GUCA1C: variants seen among roughly 807,000 people sequenced by gnomAD.
The protein encoded by GUCA1C is guanylyl cyclase-activating protein 3.
A neutral mutation model predicts 16.2 loss-of-function variants in GUCA1C; 15 were observed. The ratio of observed to expected loss-of-function variants is 0.93; its 90% CI spans 0.62 to 1.43. GUCA1C has a LOEUF of 1.43. Among genes scored for constraint, GUCA1C ranks in the 40% most tolerant of loss-of-function variants. The probability of loss-of-function intolerance (pLI) is 0.00; values close to 1 mark genes in which losing one functional copy is unlikely to be tolerated. For synonymous variants in GUCA1C, 78 were observed against 85.4 expected (o/e 0.91, Z 0.48); for missense variants, 275 against 244.8 (o/e 1.12, Z -0.82).
intron 1 of GUCA1C, among the ~76,000 whole-genome samples, chr3:108,939,323 G>GTTTTTTTTTTTTTTTT (rs1491279760): frequency 2.4e-4 from 8 of 33,212 alleles, no homozygotes; most frequent in Non-Finnish European, 4.8e-4. Flanking sequence ...TTGCTTCAAG[G>GTTTTTTTTTTTTTTTT]CTTTTTTTTT....
chr3:108,930,129 C>A (rs1946653621), intron 1 of GUCA1C, among the ~76,000 whole-genome samples: 1 of 152,182 alleles, frequency 6.6e-6, no homozygotes, highest in Non-Finnish European at 1.5e-5. Context: ...TCTAGGGAGG[C>A]ATGTGACTCA....
intron 1 of GUCA1C, among the ~76,000 whole-genome samples, chr3:108,935,945 G>GT (rs1239594947): frequency 6.6e-6 from 1 of 152,124 alleles, no homozygotes; most frequent in African/African-American, 2.4e-5. Context: ...TGATCAATTT[G>GT]TAGGCAGGTA....
At chr3:108,942,064 A>C (rs9868918) in intron 1 of GUCA1C, among the ~76,000 whole-genome samples, 4,634 of 152,270 alleles carry the variant, frequency 0.03, 103 homozygotes, top group Non-Finnish European at 0.045. Flanking sequence ...ACACCAATTC[A>C]AGGGTGCAGT....
chr3:108,934,204 C>A (rs1946698258), intron 1 of GUCA1C, among the ~76,000 whole-genome samples: 4 of 152,074 alleles, frequency 2.6e-5, no homozygotes, highest in African/African-American at 9.7e-5. Flanking sequence ...GGAGGGAAAG[C>A]ATTAGGACAA....
intron 1 of GUCA1C, among the ~76,000 whole-genome samples, chr3:108,945,010 T>A (rs1946829866): frequency 6.6e-6 from 1 of 152,178 alleles, no homozygotes; most frequent in Admixed American, 6.5e-5. Flanking sequence ...AGGTGCTCCT[T>A]CATCCTCAGC....
chr3:108,929,417 C>T (rs1946647979), intron 1 of GUCA1C, among the ~76,000 whole-genome samples: 2 of 152,034 alleles, frequency 1.3e-5, no homozygotes, highest in South Asian at 4.1e-4. Context: ...TTTATTTTCT[C>T]CTTCCCAAAC....
At chr3:108,940,578 G>A (rs2107310140) in intron 1 of GUCA1C, among the ~76,000 whole-genome samples, 1 of 152,274 alleles carries the variant, frequency 6.6e-6, no homozygotes, top group East Asian at 1.9e-4. Flanking sequence ...GGCAAATGTT[G>A]CCCAAAACAG....
intron 1 of GUCA1C, among the ~76,000 whole-genome samples, chr3:108,948,419 C>G (rs1460777868): frequency 6.6e-6 from 1 of 152,168 alleles, no homozygotes. Context: ...GCCTGCAGAA[C>G]TGTAAGCCAA....
At chr3:108,951,866 T>C (rs1288253253) in intron 1 of GUCA1C, among the ~76,000 whole-genome samples, 1 of 152,210 alleles carries the variant, frequency 6.6e-6, no homozygotes, top group Non-Finnish European at 1.5e-5. Flanking sequence ...TTGGACATTG[T>C]CCCTGCTTCC....
At chr3:108,934,233 G>T (rs1052043339) in intron 1 of GUCA1C, among the ~76,000 whole-genome samples, 3 of 152,126 alleles carry the variant, frequency 2.0e-5, no homozygotes, top group Non-Finnish European at 4.4e-5. Flanking sequence ...TGCATTCAGG[G>T]CTGAAAACCT....
At chr3:108,928,336 T>C (rs1038587323) in intron 1 of GUCA1C, among the ~76,000 whole-genome samples, 8 of 152,224 alleles carry the variant, frequency 5.3e-5, no homozygotes, top group Non-Finnish European at 5.9e-5. Context: ...TTTTGTATTC[T>C]GGATAACAGC....
intron 1 of GUCA1C, among the ~76,000 whole-genome samples, chr3:108,939,281 G>C (rs542270958): frequency 7.0e-6 from 1 of 142,656 alleles, no homozygotes; most frequent in Non-Finnish European, 1.5e-5. Flanking sequence ...TTGATGGTGG[G>C]ATGGATGGTT....
intron 1 of GUCA1C, among the ~76,000 whole-genome samples, chr3:108,943,962 T>C (rs12107650): frequency 0.15 from 23,278 of 151,842 alleles, 1,954 homozygotes; most frequent in Middle Eastern, 0.26. Context: ...CAATAACTTA[T>C]AGAAAAAATT....
chr3:108,917,033 A>C lies in GUCA1C; in HGVS notation c.355-819T>G, dbSNP rs551134504. Among the ~76,000 whole-genome samples the C allele has an allele frequency of 2.0e-5, 3 of 152,342 alleles. No individual in the cohort carries two copies. In the East Asian group the frequency reaches 5.8e-4, roughly 29 times the overall value. ...TCAAGCATTACCAAACTTGAGTTCCAGGAGTAATCATAATAAATGATGGTA... is the reference window on the plus strand; with the variant it reads ...TCAAGCATTACCAAACTTGAGTTCCCGGAGTAATCATAATAAATGATGGTA... On this transcript the variant is annotated intron_variant, in intron 2 of 3. Transcript: ENST00000261047.
At chr3:108,932,776 C>T (rs1946682352) in intron 1 of GUCA1C, among the ~76,000 whole-genome samples, 1 of 151,960 alleles carries the variant, frequency 6.6e-6, no homozygotes, top group Non-Finnish European at 1.5e-5. Context: ...ACAGAATTAG[C>T]CGGGCGTGGC....
At chr3:108,939,323 G>GTTTTTTTTTTTTTTTTTT (rs1491279760) in intron 1 of GUCA1C, among the ~76,000 whole-genome samples, 7 of 33,224 alleles carry the variant, frequency 2.1e-4, no homozygotes, top group Admixed American at 5.4e-4. Flanking sequence ...TTGCTTCAAG[G>GTTTTTTTTTTTTTTTTTT]CTTTTTTTTT....
At chr3:108,950,727 G>A (rs1306453633) in intron 1 of GUCA1C, among the ~76,000 whole-genome samples, 1 of 152,042 alleles carries the variant, frequency 6.6e-6, no homozygotes, top group Non-Finnish European at 1.5e-5. Context: ...GGTTAGAAAT[G>A]GCACATTAAA....
chr3:108,922,502 T>C (rs146470331), intron 1 of GUCA1C, among the ~76,000 whole-genome samples: 4 of 152,242 alleles, frequency 2.6e-5, no homozygotes, highest in East Asian at 3.9e-4. Flanking sequence ...CCAACATTTG[T>C]TGTTTTTTTT....
chr3:108,954,867 G>A (rs1946933074), upstream of GUCA1C, among the ~76,000 whole-genome samples: 1 of 151,482 alleles, frequency 6.6e-6, no homozygotes, highest in South Asian at 2.1e-4. Context: ...CTCCAGAGTA[G>A]CTGGGACTAC....
Sources: allele counts gnomAD v4.1 joint callset (sites outside exome capture counted in the v4.1 genomes callset), GRCh38; gene constraint gnomAD v4.1.1; transcripts MANE v1.5; gene names NCBI Gene and HGNC (gene_info 2026-07-23, HGNC 2026-07-21).